CASZ1: variants seen among roughly 807,000 people sequenced by gnomAD.
CASZ1 encodes the protein zinc finger protein castor homolog 1.
A neutral mutation model predicts 135.2 loss-of-function variants in CASZ1; 28 were observed. The observed-to-expected ratio is 0.21, with a 90% confidence interval of 0.15 to 0.28. The LOEUF is 0.28. Among genes scored for constraint, CASZ1 ranks in the 10% least tolerant of loss-of-function variants. The pLI, the probability that CASZ1 is intolerant of heterozygous loss-of-function variation, is 1.00. For synonymous variants in CASZ1, 1,068 were observed against 1,073.4 expected (o/e 0.99, Z 0.10); for missense variants, 2,161 against 2,453.3 (o/e 0.88, Z 2.52).
intron 1 of CASZ1, among the ~76,000 whole-genome samples, chr1:10,795,152 G>T (rs1328173576): frequency 6.7e-6 from 1 of 150,126 alleles, no homozygotes; most frequent in Non-Finnish European, 1.5e-5. Context: ...CCGGGCGCAC[G>T]AATCGGCCCC....
chr1:10,642,655 C>G (rs11121601), intron 20 of CASZ1, among the ~76,000 whole-genome samples: 1 of 151,956 alleles, frequency 6.6e-6, no homozygotes, highest in Admixed American at 6.5e-5. Flanking sequence ...CGGAAACTGA[C>G]GCAAAGGGCA....
chr1:10,753,282 G>A (rs142850402), intron 2 of CASZ1, among the ~76,000 whole-genome samples: 1,850 of 152,290 alleles, frequency 0.012, 16 homozygotes, highest in South Asian at 0.03. Flanking sequence ...GCAGTGAGGG[G>A]GAGTGGAGGT....
At chr1:10,760,275 C>T (rs909948612) in intron 2 of CASZ1, among the ~76,000 whole-genome samples, 1 of 152,248 alleles carries the variant, frequency 6.6e-6, no homozygotes, top group Non-Finnish European at 1.5e-5. Flanking sequence ...TCCAGCCCTT[C>T]TAAGACGAAG....
chr1:10,761,188 G>A (rs1640366780), intron 1 of CASZ1, among the ~76,000 whole-genome samples: 1 of 152,226 alleles, frequency 6.6e-6, no homozygotes, highest in Non-Finnish European at 1.5e-5. Flanking sequence ...CACACCCAAG[G>A]CTGGGCACCC....
chr1:10,663,189 C>T (rs1643106602), intron 5 of CASZ1, among the ~76,000 whole-genome samples: 1 of 152,230 alleles, frequency 6.6e-6, no homozygotes, highest in Non-Finnish European at 1.5e-5. Context: ...GGGGGGTCTC[C>T]TCCCAGGCGA....
At chr1:10,754,445 A>G (rs1640208195) in intron 2 of CASZ1, among the ~76,000 whole-genome samples, 1 of 152,084 alleles carries the variant, frequency 6.6e-6, no homozygotes, top group Non-Finnish European at 1.5e-5. Flanking sequence ...GACTTGGACC[A>G]CCACCTCTTC....
Position 10,639,791 on chromosome 1 carries a change from G to A in CASZ1, c.4431C>T (p.His1477=), listed in dbSNP as rs1325614632. ...KFCGRTHMYK[H]AQHHDRVDNL... ...TGTCCACGCGGTCGTGGTGCTGCGC[G>A]TGCTTGTACATGTGCGTGCGCCCGC... Residue 1477 remains histidine, a synonymous_variant, in exon 21 of 21, where the codon CAC becomes CAT. Transcript: ENST00000377022. The surrounding 1 kb of genome is among the most constrained non-coding windows in gnomAD (Gnocchi z 4.0). 6 of 1,606,098 alleles carry A rather than the reference G, an allele frequency of 3.7e-6. No homozygotes were observed. Among genetic ancestry groups the A allele is most frequent in the Non-Finnish European group, 5.1e-6 (6 of 1,176,830 alleles).
chr1:10,785,340 C>T (rs1038216898), intron 1 of CASZ1, among the ~76,000 whole-genome samples: 32 of 151,328 alleles, frequency 2.1e-4, no homozygotes, highest in Admixed American at 4.6e-4. Context: ...AAAAAGCATC[C>T]GTTTAATTAG....
intron 1 of CASZ1, among the ~76,000 whole-genome samples, chr1:10,772,431 C>T (rs947679932): frequency 2.0e-5 from 3 of 152,150 alleles, no homozygotes; most frequent in Non-Finnish European, 4.4e-5. Context: ...CTTGTTTCTG[C>T]GGGGGAAGGC....
In CASZ1 at chr1:10,637,646, C is replaced by T. The variant is rs563284604; in HGVS notation, c.*1296G>A. 3 of 152,382 alleles carry T rather than the reference C, an allele frequency of 2.0e-5. No homozygotes were observed. The highest frequency in any genetic ancestry group is 1.9e-4 in the East Asian group (1 of 5,162). 9.4% of individuals were successfully genotyped at this position (152,382 alleles called of 1,614,324 possible). A position where few individuals can be genotyped will look rare whatever the true frequency, so the allele number is the denominator to read the frequency against. ...GGGCAGCCTGCCCTCGCAGGGGACTCGGTCCCCGGGGACCTCAGAGCCACT... is the reference window on the plus strand; with the variant it reads ...GGGCAGCCTGCCCTCGCAGGGGACTTGGTCCCCGGGGACCTCAGAGCCACT... On this transcript the variant is annotated 3_prime_UTR_variant, in exon 21 of 21. Transcript: ENST00000377022.
At position 10,654,234 on chromosome 1, in the gene CASZ1, G is replaced by A; in HGVS notation, c.1839-16C>T. ...GCCGGGGCGCCTGGATGGGACATTGGGAGCCTGTCATGAGACCCAGAGGAG... is the reference window on the plus strand; with the variant it reads ...GCCGGGGCGCCTGGATGGGACATTGAGAGCCTGTCATGAGACCCAGAGGAG... On this transcript the variant is annotated splice_polypyrimidine_tract_variant and intron_variant, in intron 10 of 20. Transcript: ENST00000377022. 1 of 1,612,566 alleles carries A rather than the reference G, an allele frequency of 6.2e-7. No homozygotes were observed. The highest frequency in any genetic ancestry group is 1.7e-5 in the Admixed American group (1 of 59,962).
In CASZ1 at chr1:10,757,843, C is replaced by T. The variant is rs1640288519; in HGVS notation, c.-77+2858G>A. On this transcript the variant is annotated intron_variant, in intron 2 of 20. Coordinates refer to ENST00000377022, the MANE Select transcript of CASZ1 (RefSeq NM_001079843.3). This position sits in a 1 kb window ranked among gnomAD's most constrained non-coding sequence, Gnocchi z 4.6. The stretch of plus-strand genomic sequence containing the variant: ...CATCACTTTACCTCTGGCTCAAAAC[C>T]CTCCAGCGGCTTCCTATCACCTAAG... 6.6e-6 allele frequency among the ~76,000 whole-genome samples: 1 copy of T among 152,018 alleles called. No individual in the cohort carries two copies. The highest frequency in any genetic ancestry group is 2.4e-5 in the African/African-American group (1 of 41,386).
chr1:10,668,164 C>CGTGTGAGGCT (rs1643294628), intron 4 of CASZ1, among the ~76,000 whole-genome samples: 1 of 152,106 alleles, frequency 6.6e-6, no homozygotes, highest in Non-Finnish European at 1.5e-5. Context: ...GGCTGGGCGG[C>CGTGTGAGGCT]GGGAACAGGG....
At chr1:10,780,240 G>A (rs1010164911) in intron 1 of CASZ1, among the ~76,000 whole-genome samples, 3 of 152,158 alleles carry the variant, frequency 2.0e-5, no homozygotes, top group African/African-American at 7.2e-5. Flanking sequence ...GAGGTCATTC[G>A]GGAAAATGGT....
rs775985271 is a variant in CASZ1 at position 10,726,896 on chromosome 1, C to T, written c.-76-21352G>A. Among the ~76,000 whole-genome samples, 29 of 152,148 alleles carry T rather than the reference C, an allele frequency of 1.9e-4. No homozygotes were observed. Among genetic ancestry groups the T allele is most frequent in the Non-Finnish European group, 2.8e-4 (19 of 68,024 alleles). Reference sequence around the variant, plus strand: ...GGGGGAAATGGTTCAGGGAATGAATCAGCACCTGCCAAACCCACTGAGGTG... The same window carrying T: ...GGGGGAAATGGTTCAGGGAATGAATTAGCACCTGCCAAACCCACTGAGGTG... On this transcript the variant is annotated intron_variant, in intron 2 of 20. Transcript: ENST00000377022. The surrounding 1 kb of genome is among the most constrained non-coding windows in gnomAD (Gnocchi z 5.7).
rs1173110692 is a variant in CASZ1 at position 10,637,170 on chromosome 1, T to C, written c.*1772A>G. The C allele has an allele frequency of 6.6e-6, 1 of 152,254 alleles. No homozygotes were observed. The highest frequency in any genetic ancestry group is 2.4e-5 in the African/African-American group (1 of 41,336). 9.4% of individuals were successfully genotyped at this position (152,254 alleles called of 1,614,324 possible). On this transcript the variant is annotated 3_prime_UTR_variant, in exon 21 of 21. Coordinates refer to ENST00000377022, the MANE Select transcript of CASZ1 (RefSeq NM_001079843.3). ...GCTACATTGAAAAAATGTTTGTGTG[T>C]GTGTGTTTTTTTTTCCTTTACAAAA...
At position 10,721,259 on chromosome 1, in the gene CASZ1, T is replaced by A. The variant is rs1639491011; in HGVS notation, c.-76-15715A>T. On this transcript the variant is annotated intron_variant, in intron 2 of 20. Transcript: ENST00000377022. This position sits in a 1 kb window ranked among gnomAD's most constrained non-coding sequence, Gnocchi z 5.4. Reference sequence around the variant, plus strand: ...ACTCTACCTCAATTTCTACTGCTCCTATCACCTACCTCCCCCACCCCCTGA... The same window carrying A: ...ACTCTACCTCAATTTCTACTGCTCCAATCACCTACCTCCCCCACCCCCTGA... Among the ~76,000 whole-genome samples the A allele has an allele frequency of 6.6e-6, 1 of 151,994 alleles. No homozygotes were observed. Among genetic ancestry groups the A allele is most frequent in the Admixed American group, 6.5e-5 (1 of 15,272 alleles).
chr1:10,793,039 G>A (rs1640992642), intron 1 of CASZ1, among the ~76,000 whole-genome samples: 2 of 151,956 alleles, frequency 1.3e-5, no homozygotes, highest in Admixed American at 1.3e-4. Flanking sequence ...AAGGGGTGGG[G>A]GGCAAGATAA....
At chr1:10,681,892 C>T (rs548296761) in intron 4 of CASZ1, among the ~76,000 whole-genome samples, 1 of 151,444 alleles carries the variant, frequency 6.6e-6, no homozygotes, top group South Asian at 2.1e-4. Flanking sequence ...GGCTCACCTC[C>T]AAACGCCCTT....
Sources: gnomAD v4.1 joint callset for allele counts (sites outside exome capture counted in the v4.1 genomes callset) on GRCh38, gnomAD v4.1.1 for gene constraint, Gnocchi (gnomAD v3.1) non-coding constraint, MANE v1.5 for transcripts, NCBI Gene and HGNC (gene_info 2026-07-23, HGNC 2026-07-21) for gene names.